The following APPL1 variants were observed in gnomAD, a reference collection of about 807,000 sequenced individuals.
The protein encoded by APPL1 is DCC-interacting protein 13-alpha.
Under a neutral mutation model 106.8 loss-of-function variants are expected in APPL1, and 42 were observed. The ratio of observed to expected loss-of-function variants is 0.39; its 90% CI spans 0.31 to 0.51. APPL1 has a LOEUF of 0.51. Ranked by LOEUF, APPL1 falls within the 20% of genes least tolerant of loss-of-function variation. The pLI, the probability that APPL1 is intolerant of heterozygous loss-of-function variation, is 0.75. For synonymous variants in APPL1, 263 were observed against 281.8 expected, an observed-to-expected ratio of 0.93 and a Z score of 0.67; for missense variants, 769 against 858.2, an observed-to-expected ratio of 0.90 and a Z score of 1.30.
chr3:57,234,894 A>G (rs2060708366), intron 1 of APPL1, among the ~76,000 whole-genome samples: 1 of 152,058 alleles, frequency 6.6e-6, no homozygotes, highest in Non-Finnish European at 1.5e-5. Flanking sequence ...TGACCTCATG[A>G]TCTGCCTGCC....
At chr3:57,268,039 G>GGCGACCA in intron 20 of APPL1, 5 of 517,880 alleles carry the variant, frequency 9.7e-6, no homozygotes, top group Admixed American at 3.5e-5. Context: ...GTTGCAATGA[G>GGCGACCA]CCGAGATCAC....
At chr3:57,238,846 A>G (rs564612309) in intron 4 of APPL1, among the ~76,000 whole-genome samples, 2 of 152,236 alleles carry the variant, frequency 1.3e-5, no homozygotes, top group Non-Finnish European at 2.9e-5. Context: ...TCACAGTGCT[A>G]TGCAACCATA....
intron 19 of APPL1, among the ~76,000 whole-genome samples, chr3:57,261,600 C>T (rs1006549522): frequency 2.0e-5 from 3 of 152,088 alleles, no homozygotes; most frequent in Admixed American, 6.5e-5. Context: ...CTCACTGCAA[C>T]CTCTGCCTCC....
chr3:57,234,707 G>T (rs989581902), intron 1 of APPL1, among the ~76,000 whole-genome samples: 7 of 152,022 alleles, frequency 4.6e-5, no homozygotes, highest in Non-Finnish European at 8.8e-5. Context: ...CCAGGCTGAA[G>T]TGCAGTGGCG....
chr3:57,252,228 T>C (rs763564831), intron 11 of APPL1, 41 bp from the exon 12 acceptor site: 3 of 1,548,000 alleles, frequency 1.9e-6, no homozygotes, highest in Non-Finnish European at 2.6e-6. Context: ...TTGAAAATAC[T>C]TTTTTAAACA....
intron 5 of APPL1, among the ~76,000 whole-genome samples, chr3:57,240,891 G>A (rs1178485921): frequency 6.6e-6 from 1 of 152,202 alleles, no homozygotes; most frequent in African/African-American, 2.4e-5. Context: ...TGTGACATGA[G>A]CATTGAACAG....
Position 57,259,919 on chromosome 3 carries a change from G to A in APPL1, c.1558G>A (p.Val520Ile). ...GGTGAAATCAGATGACCATCCAGAT[G>A]TTGTTTATGAAACTATGCGCCAAAT... The part of the protein sequence containing the change: ...MEVKSDDHPD[V>I]VYETMRQILA... Residue 520 changes from valine to isoleucine, a missense_variant, in exon 17 of 22, where the codon GTT (valine) becomes ATT (isoleucine). Physicochemically the swap from Val to Ile is conservative, Grantham distance 29. Transcript: ENST00000288266. The A allele has an allele frequency of 6.2e-7, 1 of 1,613,758 alleles. No homozygotes were observed. The highest frequency in any genetic ancestry group is 8.5e-7 in the Non-Finnish European group (1 of 1,179,956).
chr3:57,252,183 T>A, intron 11 of APPL1, 86 bp from the exon 12 acceptor site: 1 of 1,118,410 alleles, frequency 8.9e-7, no homozygotes. Context: ...TATATGCCTT[T>A]AACTTTAAAG....
intron 1 of APPL1, among the ~76,000 whole-genome samples, chr3:57,233,134 T>G (rs2060696756): frequency 6.6e-6 from 1 of 152,246 alleles, no homozygotes; most frequent in South Asian, 2.1e-4. Flanking sequence ...GATAAAATTC[T>G]GTGTGAAGGT....
intron 2 of APPL1, among the ~76,000 whole-genome samples, chr3:57,237,008 G>A (rs1432481059): frequency 6.6e-6 from 1 of 152,120 alleles, no homozygotes; most frequent in Non-Finnish European, 1.5e-5. Flanking sequence ...TGATTAATAT[G>A]TTAAAGAAAT....
At chr3:57,268,039 G>A (rs551860289) in intron 20 of APPL1, 85 of 517,802 alleles carry the variant, frequency 1.6e-4, no homozygotes, top group Non-Finnish European at 2.6e-4. Flanking sequence ...GTTGCAATGA[G>A]CCGAGATCAC....
chr3:57,240,192 A>C (rs1480256089), intron 4 of APPL1, among the ~76,000 whole-genome samples: 3 of 140,538 alleles, frequency 2.1e-5, no homozygotes, highest in Non-Finnish European at 4.6e-5. Flanking sequence ...TTAAATTTTG[A>C]TGATGTCCAT....
chr3:57,243,039 C>A (rs1513469), intron 7 of APPL1, 125 bp downstream of exon 7: 1 of 682,152 alleles, frequency 1.5e-6, no homozygotes, highest in Non-Finnish European at 2.4e-6. Context: ...TTAGTTTATT[C>A]TTTCCTTCTA....
intron 15 of APPL1, 21 bp downstream of exon 15, chr3:57,257,449 T>C: frequency 1.3e-6 from 2 of 1,596,176 alleles, no homozygotes; most frequent in Middle Eastern, 1.7e-4. Flanking sequence ...GCATCACAGG[T>C]ACATTGTGCT....
At chr3:57,254,155 G>A (rs1467523397) in intron 13 of APPL1, among the ~76,000 whole-genome samples, 1 of 152,186 alleles carries the variant, frequency 6.6e-6, no homozygotes, top group African/African-American at 2.4e-5. Context: ...GAGCCACTGT[G>A]CCTGGCCTGA....
intron 19 of APPL1, among the ~76,000 whole-genome samples, chr3:57,263,031 A>AGT (rs1257699946): frequency 6.6e-6 from 1 of 151,684 alleles, no homozygotes; most frequent in Non-Finnish European, 1.5e-5. Context: ...TTGTATTTTT[A>AGT]GTAGAGACAG....
rs1380573314 is a variant in APPL1, at chr3:57,237,475, G to T, written c.154-17G>T. The stretch of plus-strand genomic sequence containing the variant: ...TTTTTTCCCAGTAATATGCTAATTT[G>T]AATGCTTTTTCCATAGAATGAATTA... On this transcript the variant is annotated splice_polypyrimidine_tract_variant and intron_variant, in intron 2 of 21. Transcript: ENST00000288266. 6 of 1,585,584 alleles carry T rather than the reference G, an allele frequency of 3.8e-6. No individual in the cohort carries two copies. Among genetic ancestry groups the T allele is most frequent in the East Asian group, 2.3e-5 (1 of 44,394 alleles).
Position 57,257,035 on chromosome 3 carries a change from C to G in APPL1, c.1231C>G (p.Leu411Val), listed in dbSNP as rs2060840681. 9.3e-6 allele frequency: 15 copies of G among 1,614,154 alleles called. No homozygotes were observed. Among genetic ancestry groups the G allele is most frequent in the Non-Finnish European group, 1.1e-5 (13 of 1,180,030 alleles). Reference sequence around the variant, plus strand: ...ATCTTTCCAGCAGAGGCACGAGAGCCTGCGGCCAGCAGCAGGGTAAGTTAC... The same window carrying G: ...ATCTTTCCAGCAGAGGCACGAGAGCGTGCGGCCAGCAGCAGGGTAAGTTAC... ...SPSFQQRHES[L>V]RPAAGQSRPP... Residue 411 changes from leucine to valine, a missense_variant, in exon 14 of 22, where the codon CTG becomes GTG. Physicochemically the swap from Leu to Val is conservative, Grantham distance 32. Coordinates refer to ENST00000288266, the MANE Select transcript of APPL1 (RefSeq NM_012096.3).
chr3:57,227,870 C>CT lies in APPL1; in HGVS notation c.-13dup. 6.8e-7 allele frequency: 1 copy of CT among 1,460,950 alleles called. No individual in the cohort carries two copies. The allele number at this position is 1,460,950 out of a possible 1,614,324, so 90.5% of individuals were successfully genotyped here. A position where few individuals can be genotyped will look rare whatever the true frequency, so the allele number is the denominator to read the frequency against. ...GGCAGCTGCGTCTCCTGCCACCGCC[C>CT]TCCCTCCGCCACGATGCCGGGGATC... On this transcript the variant is annotated 5_prime_UTR_variant, in exon 1 of 22. Transcript: ENST00000288266.
Sources: gnomAD v4.1 joint callset for allele counts (sites outside exome capture counted in the v4.1 genomes callset) on GRCh38, gnomAD v4.1.1 for gene constraint, MANE v1.5 for transcripts, NCBI Gene and HGNC (gene_info 2026-07-23, HGNC 2026-07-21) for gene names.